PSD3: variants seen among roughly 807,000 people sequenced by gnomAD.
PSD3 encodes the protein PH and SEC7 domain-containing protein 3.
In PSD3, 49 loss-of-function variants were observed where a neutral mutation model predicts 105.5. The ratio of observed to expected loss-of-function variants is 0.46; its 90% CI spans 0.37 to 0.59. PSD3 has a LOEUF of 0.59. PSD3 is among the 20% of genes least tolerant of loss of function. PSD3 has a pLI of 0.00. For synonymous variants in PSD3, 557 were observed against 457.8 expected (o/e 1.22, Z -2.77); for missense variants, 1,561 against 1,263.8 (o/e 1.24, Z -3.57).
At chr8:18,757,639 T>G (rs75995453) in intron 9 of PSD3, among the ~76,000 whole-genome samples, 6,663 of 152,282 alleles carry the variant, frequency 0.044, 361 homozygotes, top group East Asian at 0.19. Flanking sequence ...CCTTCAATAC[T>G]GTCACCACCA....
chr8:18,829,666 T>A (rs554914899), intron 4 of PSD3, among the ~76,000 whole-genome samples: 1 of 152,286 alleles, frequency 6.6e-6, no homozygotes, highest in East Asian at 1.9e-4. Context: ...TCAAATCAGA[T>A]GTCTCTATGA....
At chr8:18,596,509 A>C (rs540157716) in intron 12 of PSD3, among the ~76,000 whole-genome samples, 47 of 152,132 alleles carry the variant, frequency 3.1e-4, no homozygotes, top group African/African-American at 1.1e-3. Flanking sequence ...AGCAGAAATA[A>C]AAGAAATAGA....
intron 8 of PSD3, among the ~76,000 whole-genome samples, chr8:18,770,249 A>G (rs2129444213): frequency 6.6e-6 from 1 of 152,220 alleles, no homozygotes; most frequent in South Asian, 2.1e-4. Flanking sequence ...TTCATGTGCT[A>G]ATTATCCATT....
intron 1 of PSD3, among the ~76,000 whole-genome samples, chr8:18,939,635 A>G (rs1586480187): frequency 6.6e-6 from 1 of 152,088 alleles, no homozygotes; most frequent in Admixed American, 6.6e-5. Context: ...ATATTATCAT[A>G]CCACAAATGT....
intron 11 of PSD3, among the ~76,000 whole-genome samples, chr8:18,618,278 T>C (rs1390602330): frequency 2.6e-5 from 4 of 151,494 alleles, no homozygotes; most frequent in East Asian, 1.9e-4. Context: ...CTTATATGTG[T>C]TGATTTATGT....
intron 2 of PSD3, among the ~76,000 whole-genome samples, chr8:18,916,459 T>C (rs553882309): frequency 1.1e-4 from 17 of 151,502 alleles, no homozygotes; most frequent in Non-Finnish European, 2.2e-4. Flanking sequence ...GAGGACATTA[T>C]GCTAAGTGAA....
At chr8:18,573,780 G>T (rs1183898230) in intron 13 of PSD3, among the ~76,000 whole-genome samples, 2 of 152,120 alleles carry the variant, frequency 1.3e-5, no homozygotes, top group African/African-American at 4.8e-5. Context: ...GGGTGCCTGG[G>T]GCTGGAGGTG....
intron 9 of PSD3, among the ~76,000 whole-genome samples, chr8:18,750,817 C>T (rs184837520): frequency 1.3e-5 from 2 of 152,144 alleles, no homozygotes; most frequent in East Asian, 3.9e-4. Flanking sequence ...CACAGAGTGT[C>T]GATTGGTGCA....
chr8:18,855,075 G>A (rs1360465618), intron 4 of PSD3, among the ~76,000 whole-genome samples: 1 of 152,176 alleles, frequency 6.6e-6, no homozygotes, highest in South Asian at 2.1e-4. Context: ...CCCTAACAGG[G>A]ATAGGAGACC....
chr8:19,063,734 G>C (rs1184476363), intron 1 of PSD3, among the ~76,000 whole-genome samples: 2 of 152,192 alleles, frequency 1.3e-5, no homozygotes, highest in South Asian at 2.1e-4. Flanking sequence ...CAGAATCCTG[G>C]CCTGAAGGTG....
chr8:18,703,540 G>A (rs1801714658), intron 9 of PSD3, among the ~76,000 whole-genome samples: 1 of 152,090 alleles, frequency 6.6e-6, no homozygotes, highest in South Asian at 2.1e-4. Flanking sequence ...GTACCATTTT[G>A]CCAGTGAAAA....
At chr8:18,560,283 G>A (rs958935191) in intron 14 of PSD3, among the ~76,000 whole-genome samples, 4 of 151,814 alleles carry the variant, frequency 2.6e-5, no homozygotes, top group Non-Finnish European at 5.9e-5. Context: ...CTGCAGCCAT[G>A]GAGATGTCAC....
intron 11 of PSD3, among the ~76,000 whole-genome samples, chr8:18,604,197 C>T (rs1488379667): frequency 1.3e-5 from 2 of 152,106 alleles, no homozygotes; most frequent in Non-Finnish European, 2.9e-5. Context: ...AAAATGCTGG[C>T]AGTGATATGG....
At chr8:18,618,559 C>A (rs563854002) in intron 11 of PSD3, among the ~76,000 whole-genome samples, 1 of 151,626 alleles carries the variant, frequency 6.6e-6, no homozygotes, top group African/African-American at 2.4e-5. Context: ...TAAACTGTTT[C>A]TAAAATGATG....
At chr8:18,668,369 G>A (rs577225969) in intron 9 of PSD3, among the ~76,000 whole-genome samples, 36 of 152,298 alleles carry the variant, frequency 2.4e-4, no homozygotes, top group Non-Finnish European at 4.1e-4. Flanking sequence ...TATTTCTGAC[G>A]CTGCGATGAT....
chr8:18,806,246 A>G (rs1811186327), intron 4 of PSD3, among the ~76,000 whole-genome samples: 1 of 152,178 alleles, frequency 6.6e-6, no homozygotes, highest in Non-Finnish European at 1.5e-5. Flanking sequence ...GACCTCCACT[A>G]TTGTTTTTGC....
At chr8:18,841,396 T>C (rs912341538) in intron 4 of PSD3, among the ~76,000 whole-genome samples, 1 of 152,170 alleles carries the variant, frequency 6.6e-6, no homozygotes, top group African/African-American at 2.4e-5. Flanking sequence ...ACAAAGCAGC[T>C]CTACTTTCAA....
At position 18,751,091 on chromosome 8, in the gene PSD3, G is replaced by A. The variant is rs1441875549; in HGVS notation, c.2172+14358C>T. Among the ~76,000 whole-genome samples the A allele has an allele frequency of 2.6e-5, 4 of 152,258 alleles. No homozygotes were observed. The East Asian group carries it at 7.8e-4, about 30-fold the overall frequency. The stretch of plus-strand genomic sequence containing the variant: ...GATGGACCTGGGCGCCGTGCAGCAG[G>A]GGGCGGTGCTCTTCGGGGAGGCTCC... On this transcript the variant is annotated intron_variant, in intron 9 of 15. Coordinates refer to ENST00000327040, the MANE Select transcript of PSD3 (RefSeq NM_015310.4).
intron 11 of PSD3, among the ~76,000 whole-genome samples, chr8:18,622,540 T>C (rs1056466310): frequency 2.0e-5 from 3 of 152,212 alleles, no homozygotes; most frequent in Non-Finnish European, 2.9e-5. Flanking sequence ...TGTAGTTTTA[T>C]GGAGCATAAC....
Sources: gnomAD v4.1 joint callset for allele counts (sites outside exome capture counted in the v4.1 genomes callset) on GRCh38, gnomAD v4.1.1 for gene constraint, MANE v1.5 for transcripts, NCBI Gene and HGNC (gene_info 2026-07-23, HGNC 2026-07-21) for gene names.